ADD3: variants seen among roughly 807,000 people sequenced by gnomAD.
ADD3 encodes gamma-adducin.
Under a neutral mutation model 80.2 loss-of-function variants are expected in ADD3, and 25 were observed. The ratio of observed to expected loss-of-function variants is 0.31; its 90% confidence interval spans 0.23 to 0.44. ADD3 has a LOEUF of 0.44. Among genes scored for constraint, ADD3 ranks in the 20% least tolerant of loss-of-function variants. The probability of loss-of-function intolerance (pLI) is 1.00; values close to 1 mark genes in which losing one functional copy is unlikely to be tolerated. For missense variants in ADD3, 829 were observed against 847.5 expected, an observed-to-expected ratio of 0.98 and a Z score of 0.27; for synonymous variants, 284 against 289.6, an observed-to-expected ratio of 0.98 and a Z score of 0.20.
Position 110,096,156 on chromosome 10 carries a change from TA to T in ADD3, c.-29-4468del, listed in dbSNP as rs1400532355. 4.6e-5 allele frequency among the ~76,000 whole-genome samples: 7 copies of T among 152,320 alleles called. No individual in the cohort carries two copies. In the East Asian group the frequency reaches 9.6e-4, roughly 21 times the overall value. ...TTTATTATAGATTATTATATAAAAA[TA>T]TTTTTTTGGAAAAAAACAATACTCA... On this transcript the variant is annotated intron_variant, in intron 1 of 14. Coordinates refer to ENST00000356080, the MANE Select transcript of ADD3 (RefSeq NM_016824.5).
At chr10:110,121,288 A>T (rs1255726259) in intron 8 of ADD3, among the ~76,000 whole-genome samples, 1 of 152,114 alleles carries the variant, frequency 6.6e-6, no homozygotes, top group African/African-American at 2.4e-5. Context: ...GTTCGAGACC[A>T]GCCTGACCAA....
chr10:110,075,684 GATTCTTCTACT>G (rs1845309143), intron 1 of ADD3: 1 of 152,216 alleles, frequency 6.6e-6, no homozygotes, highest in South Asian at 2.1e-4. Flanking sequence ...ATCAAGACAG[GATTCTTCTACT>G]ATAATAACCA....
At chr10:110,031,767 T>G (rs780669285) in intron 1 of ADD3, among the ~76,000 whole-genome samples, 1 of 152,162 alleles carries the variant, frequency 6.6e-6, no homozygotes, top group Non-Finnish European at 1.5e-5. Flanking sequence ...TAAGTAACTT[T>G]TAAAAATTGA....
At chr10:110,084,807 T>C (rs1386664394) in intron 1 of ADD3, among the ~76,000 whole-genome samples, 1 of 152,242 alleles carries the variant, frequency 6.6e-6, no homozygotes, top group Non-Finnish European at 1.5e-5. Flanking sequence ...TCTACAATCC[T>C]AACAAACGTA....
At chr10:110,026,873 T>C (rs1854376614) in intron 1 of ADD3, among the ~76,000 whole-genome samples, 1 of 152,114 alleles carries the variant, frequency 6.6e-6, no homozygotes, top group Admixed American at 6.5e-5. Flanking sequence ...CCTGAAAGTT[T>C]GGGTTCTTCA....
chr10:110,037,153 A>G (rs1490894652), intron 1 of ADD3, among the ~76,000 whole-genome samples: 1 of 152,232 alleles, frequency 6.6e-6, no homozygotes, highest in Admixed American at 6.5e-5. Context: ...ATGATAGGAA[A>G]TGGAACATTT....
At chr10:110,032,691 A>AT (rs757406152) in intron 1 of ADD3, among the ~76,000 whole-genome samples, 1 of 152,168 alleles carries the variant, frequency 6.6e-6, no homozygotes, top group Non-Finnish European at 1.5e-5. Context: ...TAACCTTATG[A>AT]AAGTGTTAGA....
rs745708662 is a variant in ADD3 at position 110,119,308 on chromosome 10, A to G, written c.815A>G (p.Gln272Arg). ...GACTACCAAGGGTCACTTGAAGAAC[A>G]GGAGGAGAGAATTCAACTGCAGAAG... ...YYDYQGSLEE[Q>R]EERIQLQKVL... Residue 272 changes from glutamine (Q) to arginine (R), a missense_variant, in exon 7 of 15, where the codon CAG becomes CGG. Gln to Arg is a conservative substitution (Grantham distance 43, BLOSUM62 1). Coordinates refer to ENST00000356080, the MANE Select transcript of ADD3 (RefSeq NM_016824.5). 1.2e-6 allele frequency: 2 copies of G among 1,614,134 alleles called. No homozygotes were observed. Among genetic ancestry groups the G allele is most frequent in the Non-Finnish European group, 1.7e-6 (2 of 1,179,982 alleles).
At chr10:110,067,425 A>AGG (rs1844100853) in intron 1 of ADD3, among the ~76,000 whole-genome samples, 1 of 152,118 alleles carries the variant, frequency 6.6e-6, no homozygotes. Flanking sequence ...TCTTCCCTCC[A>AGG]CCTCCCCTTT....
At chr10:110,069,374 AC>A (rs1844393752) in intron 1 of ADD3, among the ~76,000 whole-genome samples, 1 of 152,204 alleles carries the variant, frequency 6.6e-6, no homozygotes, top group Non-Finnish European at 1.5e-5. Flanking sequence ...CAAATGAGTG[AC>A]CCAGTCTCAG....
chr10:110,001,008 G>A (rs1315470522), upstream of ADD3, among the ~76,000 whole-genome samples: 1 of 152,186 alleles, frequency 6.6e-6, no homozygotes, highest in Admixed American at 6.5e-5. Context: ...TGAACACAGA[G>A]TGAGAGAATA....
In ADD3 at chr10:110,133,580, C is replaced by G. The variant is rs1853341787; in HGVS notation, c.2083C>G (p.Leu695Val). 1.9e-6 allele frequency: 3 copies of G among 1,594,936 alleles called. No individual in the cohort carries two copies. The highest frequency in any genetic ancestry group is 2.6e-6 in the Non-Finnish European group (3 of 1,173,476). The part of the protein sequence containing the change: ...KKKKFRTPSF[L>V]KKNKKKEKVE... ...GAAGAAATTCCGCACTCCTTCTTTT[C>G]TGAAAAAGAACAAAAAAAAGGAGAA... The change falls in exon 15 of 15, where the codon CTG becomes GTG. Residue 695 changes from leucine to valine, a missense_variant. Transcript: ENST00000356080.
chr10:110,102,205 T>A (rs1848896128), intron 2 of ADD3, among the ~76,000 whole-genome samples: 1 of 152,214 alleles, frequency 6.6e-6, no homozygotes, highest in South Asian at 2.1e-4. Flanking sequence ...AGTGCCTTAC[T>A]TTATGCAAAC....
intron 1 of ADD3, among the ~76,000 whole-genome samples, chr10:110,092,799 C>G (rs1411272877): frequency 2.0e-5 from 3 of 151,804 alleles, no homozygotes; most frequent in Admixed American, 6.6e-5. Flanking sequence ...AAAAAAACCC[C>G]TCAGTTTTCT....
rs574693679 is a variant in ADD3, at chr10:110,106,303, G to GT, written c.195+5467dup. 7.4e-3 allele frequency among the ~76,000 whole-genome samples: 1,063 copies of GT among 143,934 alleles called. 3 individuals carry two copies. The highest frequency in any genetic ancestry group is 0.019 in the African/African-American group (737 of 39,748). 94.4% of individuals were successfully genotyped at this position (143,934 alleles called of 152,430 possible). A position where few individuals can be genotyped will look rare whatever the true frequency, so the allele number is the denominator to read the frequency against. ...TTACTGATAAATGAGCCAACATGGA[G>GT]TTTTTTTTTTTTAAGCATTAATTGA... On this transcript the variant is annotated intron_variant, in intron 2 of 14. Coordinates refer to ENST00000356080, the MANE Select transcript of ADD3 (RefSeq NM_016824.5).
At chr10:110,124,302 T>G in intron 10 of ADD3, 28 bp downstream of exon 10, 3 of 1,600,970 alleles carry the variant, frequency 1.9e-6, no homozygotes, top group Non-Finnish European at 2.6e-6. Context: ...GTAGTTTGCC[T>G]TTACTAAATA....
At chr10:110,029,917 CTTTA>C (rs1854791349) in intron 1 of ADD3, among the ~76,000 whole-genome samples, 3 of 152,208 alleles carry the variant, frequency 2.0e-5, no homozygotes, top group African/African-American at 7.2e-5. Context: ...CAGACTCGTA[CTTTA>C]TTTACTTTAT....
chr10:110,049,937 A>ACAT lies in ADD3; in HGVS notation c.-30+41639_-30+41641dup, dbSNP rs767358586. 1.1e-4 allele frequency among the ~76,000 whole-genome samples: 16 copies of ACAT among 150,978 alleles called. No homozygotes were observed. In the East Asian group the frequency reaches 2.7e-3, roughly 26 times the overall value. On this transcript the variant is annotated intron_variant, in intron 1 of 14. Coordinates refer to ENST00000356080, the MANE Select transcript of ADD3 (RefSeq NM_016824.5). Reference sequence around the variant, plus strand: ...ACTGCCCTGTTGGATTTTGGGACTTACATGGGGTCTGTAGCCCCTTTGTTT... The same window carrying ACAT: ...ACTGCCCTGTTGGATTTTGGGACTTACATCATGGGGTCTGTAGCCCCTTTGTTT...
At chr10:110,119,834 T>C in intron 8 of ADD3, 1 of 317,038 alleles carries the variant, frequency 3.2e-6, no homozygotes, top group Non-Finnish European at 5.9e-6. Flanking sequence ...TACAATTGCA[T>C]ATTTCTGTTT....
Sources: gnomAD v4.1 joint callset for allele counts (sites outside exome capture counted in the v4.1 genomes callset) on GRCh38, gnomAD v4.1.1 for gene constraint, MANE v1.5 for transcripts, NCBI Gene and HGNC (gene_info 2026-07-23, HGNC 2026-07-21) for gene names.